Variants in FOXP2 observed in about 807,000 individuals in gnomAD.
FOXP2 encodes forkhead box protein P2.
Under a neutral mutation model 115.8 loss-of-function variants are expected in FOXP2, and 12 were observed. The ratio of observed to expected loss-of-function variants is 0.10; its 90% CI spans 0.07 to 0.17. FOXP2 has a LOEUF of 0.17. Ranked by LOEUF, FOXP2 falls within the 10% of genes least tolerant of loss-of-function variation. The pLI is 1.00. For missense variants in FOXP2, 629 were observed against 843.5 expected (o/e 0.75, Z 3.15); for synonymous variants, 328 against 297.7 (o/e 1.10, Z -1.05).
intron 1 of FOXP2, among the ~76,000 whole-genome samples, chr7:114,256,571 C>T (rs753750015): frequency 1.1e-4 from 16 of 152,092 alleles, no homozygotes; most frequent in Admixed American, 3.9e-4. Flanking sequence ...TGTAAATTTG[C>T]TTAAGTTTCT....
chr7:114,344,241 T>A (rs1419649412), intron 2 of FOXP2, among the ~76,000 whole-genome samples: 1 of 151,736 alleles, frequency 6.6e-6, no homozygotes, highest in East Asian at 1.9e-4. Context: ...ATGATACTCA[T>A]CAATATCTAA....
chr7:114,644,630 C>A (rs1805769037), intron 7 of FOXP2, 55 bp from the exon 8 acceptor site: 1 of 1,463,856 alleles, frequency 6.8e-7, no homozygotes, highest in Non-Finnish European at 9.6e-7. Context: ...CGCTAGCAGC[C>A]TGCAACGATT....
chr7:114,337,617 A>G (rs1433985655), intron 2 of FOXP2, among the ~76,000 whole-genome samples: 2 of 151,360 alleles, frequency 1.3e-5, no homozygotes, highest in South Asian at 2.1e-4. Flanking sequence ...TATATAAAGA[A>G]TAAAGACTGG....
intron 2 of FOXP2, among the ~76,000 whole-genome samples, chr7:114,313,859 G>A (rs555872809): frequency 6.5e-4 from 99 of 151,888 alleles, no homozygotes; most frequent in African/African-American, 2.3e-3. Flanking sequence ...TCACCTGTAC[G>A]TATTATGTTT....
rs1791215518 is a variant in FOXP2, at chr7:114,341,441, A to G, written c.-11+53332A>G. On this transcript the variant is annotated intron_variant, in intron 2 of 17. Transcript: ENST00000634411. ...GAGATAGATAAATAGACATACAAAA[A>G]GAAGACAAGACAGATAAATTGATAT... is the stretch of plus-strand genomic sequence containing the variant. Among the ~76,000 whole-genome samples the G allele has an allele frequency of 2.0e-5, 3 of 151,534 alleles. No homozygotes were observed. In the South Asian group the frequency reaches 6.2e-4, roughly 31 times the overall value.
intron 2 of FOXP2, among the ~76,000 whole-genome samples, chr7:114,314,921 T>C (rs1797238413): frequency 6.6e-6 from 1 of 152,206 alleles, no homozygotes; most frequent in Non-Finnish European, 1.5e-5. Flanking sequence ...AATGATTATA[T>C]AGATGGCTAT....
At chr7:114,205,481 A>C (rs1794177655) in intron 1 of FOXP2, among the ~76,000 whole-genome samples, 1 of 152,196 alleles carries the variant, frequency 6.6e-6, no homozygotes, top group African/African-American at 2.4e-5. Flanking sequence ...GGATTTTTGA[A>C]ATAGGCATAT....
intron 1 of FOXP2, among the ~76,000 whole-genome samples, chr7:114,262,280 A>G (rs916897406): frequency 1.3e-5 from 2 of 152,016 alleles, no homozygotes; most frequent in African/African-American, 4.8e-5. Context: ...AAAATTACCC[A>G]GGTATGGTGG....
rs1796652457 is a variant in FOXP2 at position 114,293,195 on chromosome 7, G to C, written c.-11+5086G>C. Among the ~76,000 whole-genome samples, 4 of 152,136 alleles carry C rather than the reference G, an allele frequency of 2.6e-5. 1 individual carries two copies. In the South Asian group the frequency reaches 8.3e-4, roughly 32 times the overall value. The stretch of plus-strand genomic sequence containing the variant: ...ATAGAATACGGCACAAGTTCTGTTT[G>C]CTGGTATGTTGCTTTTCTGATTAGG... On this transcript the variant is annotated intron_variant, in intron 2 of 17. Coordinates refer to the FOXP2 transcript ENST00000634411.
At chr7:114,388,834 A>G (rs1252528311) in intron 2 of FOXP2, among the ~76,000 whole-genome samples, 2 of 152,208 alleles carry the variant, frequency 1.3e-5, no homozygotes, top group Admixed American at 1.3e-4. Context: ...GGATTTGTCA[A>G]AGAAAACTAG....
At chr7:114,597,592 G>A (rs1465677027) in intron 3 of FOXP2, among the ~76,000 whole-genome samples, 1 of 152,130 alleles carries the variant, frequency 6.6e-6, no homozygotes, top group Non-Finnish European at 1.5e-5. Context: ...CAGGCTGGGT[G>A]ACTAGACAGA....
intron 2 of FOXP2, among the ~76,000 whole-genome samples, chr7:114,288,705 A>G (rs887406398): frequency 2.6e-5 from 4 of 151,882 alleles, no homozygotes; most frequent in African/African-American, 9.7e-5. Flanking sequence ...GTTAACATAT[A>G]AACTTTCTCA....
intron 2 of FOXP2, among the ~76,000 whole-genome samples, chr7:114,357,182 A>G (rs968416298): frequency 1.3e-5 from 2 of 152,242 alleles, no homozygotes; most frequent in East Asian, 1.9e-4. Context: ...ATTTGCTGGG[A>G]ATTTTTCATA....
At chr7:114,211,488 C>A (rs1049819684) in intron 1 of FOXP2, among the ~76,000 whole-genome samples, 2 of 152,182 alleles carry the variant, frequency 1.3e-5, no homozygotes, top group South Asian at 4.1e-4. Flanking sequence ...TGGGCTGTCA[C>A]CCCTGGGTTG....
chr7:114,603,571 A>G (rs576168224), intron 3 of FOXP2, among the ~76,000 whole-genome samples: 13 of 152,210 alleles, frequency 8.5e-5, no homozygotes, highest in Non-Finnish European at 1.9e-4. Context: ...AGTTCCTTGA[A>G]GATGTTTTAT....
intron 2 of FOXP2, among the ~76,000 whole-genome samples, chr7:114,306,968 GA>G (rs1256968321): frequency 6.6e-6 from 1 of 152,108 alleles, no homozygotes; most frequent in African/African-American, 2.4e-5. Context: ...GCTAATTCCA[GA>G]CGATCTCCCT....
intron 1 of FOXP2, among the ~76,000 whole-genome samples, chr7:114,210,415 G>T (rs1187557905): frequency 2.6e-5 from 4 of 152,098 alleles, no homozygotes; most frequent in African/African-American, 4.8e-5. Context: ...GCTGCAGTTT[G>T]CTGGGGGTTT....
At chr7:114,459,895 C>G (rs892717536) in intron 2 of FOXP2, among the ~76,000 whole-genome samples, 1 of 152,146 alleles carries the variant, frequency 6.6e-6, no homozygotes, top group Non-Finnish European at 1.5e-5. Context: ...GGATTACAGG[C>G]CTGAGCCACC....
chr7:114,200,667 C>A (rs905580135), intron 1 of FOXP2, among the ~76,000 whole-genome samples: 8 of 152,158 alleles, frequency 5.3e-5, no homozygotes, highest in African/African-American at 1.9e-4. Flanking sequence ...TGACCAAGAA[C>A]TGGGAAGCAA....
Sources: gnomAD v4.1 joint callset for allele counts (sites outside exome capture counted in the v4.1 genomes callset) on GRCh38, gnomAD v4.1.1 for gene constraint, MANE v1.5 for transcripts, NCBI Gene and HGNC (gene_info 2026-07-23, HGNC 2026-07-21) for gene names.